The following SEPTIN14 variants were observed in gnomAD, a reference collection of about 807,000 sequenced individuals.
SEPTIN14 encodes the protein septin-14.
In SEPTIN14, 40 loss-of-function variants were observed where a neutral mutation model predicts 53.6. The ratio of observed to expected loss-of-function variants is 0.75; its 90% CI spans 0.58 to 0.97. The LOEUF is 0.97. SEPTIN14 is among the 50% of genes least tolerant of loss of function. The pLI is 0.00. For synonymous variants in SEPTIN14, 138 were observed against 166.8 expected, an observed-to-expected ratio of 0.83 and a Z score of 1.33; for missense variants, 471 against 508.2, an observed-to-expected ratio of 0.93 and a Z score of 0.70.
At chr7:55,837,315 C>T (rs1305798746) in intron 5 of SEPTIN14, among the ~76,000 whole-genome samples, 1 of 152,008 alleles carries the variant, frequency 6.6e-6, no homozygotes, top group Non-Finnish European at 1.5e-5. Context: ...CAGGGTCTCA[C>T]TATGTTGTTC....
At chr7:55,808,506 G>A (rs1431828590) in intron 7 of SEPTIN14, among the ~76,000 whole-genome samples, 1 of 152,120 alleles carries the variant, frequency 6.6e-6, no homozygotes, top group East Asian at 1.9e-4. Flanking sequence ...CACTGCTGGT[G>A]GGAATATAAA....
chr7:55,799,893 T>C (rs975407388), intron 9 of SEPTIN14, among the ~76,000 whole-genome samples: 1 of 151,490 alleles, frequency 6.6e-6, no homozygotes, highest in Admixed American at 6.6e-5. Flanking sequence ...ATAGACCAAA[T>C]AGGCATAGAT....
Position 55,834,434 on chromosome 7 carries a change from G to A in SEPTIN14, c.711C>T (p.Ser237=). The A allele has an allele frequency of 6.2e-7, 1 of 1,608,922 alleles. No individual in the cohort carries two copies. ...TDEETAAQAN[S]SVSGLLPFAV... The stretch of plus-strand genomic sequence containing the variant: ...TGTTACTGAAACTTACACTAACTGA[G>A]GAGTTCGCTTGAGCAGCAGTTTCTT... Residue 237 remains serine, a synonymous_variant, in exon 6 of 10, where the codon TCC becomes TCT. Transcript: ENST00000388975.
At chr7:55,818,491 A>T (rs1312571303) in intron 7 of SEPTIN14, among the ~76,000 whole-genome samples, 1 of 151,726 alleles carries the variant, frequency 6.6e-6, no homozygotes, top group African/African-American at 2.4e-5. Context: ...AAAAAAAAAA[A>T]AAATCATTTG....
rs1253866134 is a variant in SEPTIN14, at chr7:55,843,138, A to C, written c.372-10T>G. 6 of 1,535,286 alleles carry C rather than the reference A, an allele frequency of 3.9e-6. No homozygotes were observed. The highest frequency in any genetic ancestry group is 1.3e-5 in the South Asian group (1 of 79,506). ...AACTATTGGTTGGTAGCTAAAAAAA[A>C]ATTTATACATTTAGCATAACAGACT... On this transcript the variant is annotated splice_polypyrimidine_tract_variant and intron_variant, in intron 4 of 9. Transcript: ENST00000388975.
At chr7:55,817,460 T>TTATA (rs1331094709) in intron 7 of SEPTIN14, among the ~76,000 whole-genome samples, 20 of 146,584 alleles carry the variant, frequency 1.4e-4, no homozygotes, top group African/African-American at 4.8e-4. Flanking sequence ...TAACAATATT[T>TTATA]TATATATATA....
intron 9 of SEPTIN14, chr7:55,798,055 C>A: frequency 5.7e-6 from 1 of 175,410 alleles, no homozygotes; most frequent in South Asian, 1.2e-4. Flanking sequence ...CCACAGGCCC[C>A]TGATGCTTGC....
intron 5 of SEPTIN14, among the ~76,000 whole-genome samples, chr7:55,840,121 G>A (rs1310715322): frequency 1.3e-5 from 2 of 149,594 alleles, no homozygotes; most frequent in Non-Finnish European, 3.0e-5. Flanking sequence ...CTCCAGCCTG[G>A]GCATTAAAAA....
chr7:55,814,167 C>T (rs1173340081), intron 7 of SEPTIN14, among the ~76,000 whole-genome samples: 1 of 152,186 alleles, frequency 6.6e-6, no homozygotes, highest in African/African-American at 2.4e-5. Context: ...CACAGTGTTA[C>T]TGGGCTTGGG....
At position 55,843,572 on chromosome 7, in the gene SEPTIN14, G is replaced by A. The variant is rs189949853; in HGVS notation, c.372-444C>T. 9.3e-3 allele frequency among the ~76,000 whole-genome samples: 1,409 copies of A among 152,260 alleles called. 12 individuals are homozygous for A. Among genetic ancestry groups the A allele is most frequent in the Middle Eastern group, 0.014 (4 of 294 alleles). ...AAAATGGCCGGGCGCGGTGGCTCAC[G>A]CCTGTAATCACAGCACTTTGGGAGG... On this transcript the variant is annotated intron_variant, in intron 4 of 9. Transcript: ENST00000388975.
At chr7:55,809,414 G>T (rs1299376773) in intron 7 of SEPTIN14, among the ~76,000 whole-genome samples, 2 of 146,422 alleles carry the variant, frequency 1.4e-5, no homozygotes, top group African/African-American at 2.5e-5. Flanking sequence ...GGAGTGCAAT[G>T]GCACGATCTC....
intron 7 of SEPTIN14, among the ~76,000 whole-genome samples, chr7:55,818,200 G>A (rs1251781211): frequency 2.0e-5 from 3 of 151,882 alleles, no homozygotes; most frequent in East Asian, 1.9e-4. Context: ...GGCTGGACAC[G>A]GTGGCTCATG....
At chr7:55,846,748 A>G in intron 2 of SEPTIN14, 111 bp from the exon 3 acceptor site, 1 of 592,840 alleles carries the variant, frequency 1.7e-6, no homozygotes, top group Admixed American at 3.5e-5. Context: ...TCATTTGCTT[A>G]TCATACCTCA....
Position 55,805,254 on chromosome 7 carries a change from T to C in SEPTIN14, c.1119+4A>G. Reference sequence around the variant, plus strand: ...ACAAATTATATCAAACTGTCAGTACTAACCTCTTTTTCAGCTTCTTTAAAT... The same window carrying C: ...ACAAATTATATCAAACTGTCAGTACCAACCTCTTTTTCAGCTTCTTTAAAT... On this transcript the variant is annotated splice_donor_region_variant and intron_variant, in intron 9 of 9. Transcript: ENST00000388975. 1 of 1,611,058 alleles carries C rather than the reference T, an allele frequency of 6.2e-7. No homozygotes were observed. Among genetic ancestry groups the C allele is most frequent in the Non-Finnish European group, 8.5e-7 (1 of 1,178,180 alleles).
intron 6 of SEPTIN14, among the ~76,000 whole-genome samples, chr7:55,822,539 C>A (rs1261845394): frequency 6.6e-6 from 1 of 151,228 alleles, no homozygotes; most frequent in Non-Finnish European, 1.5e-5. Flanking sequence ...GTGGCATGGG[C>A]AAAATAATAG....
chr7:55,848,559 G>A (rs1789462949), intron 2 of SEPTIN14, among the ~76,000 whole-genome samples: 1 of 151,628 alleles, frequency 6.6e-6, no homozygotes, highest in Non-Finnish European at 1.5e-5. Flanking sequence ...AGCCTCCAAA[G>A]GGCTGGGATT....
At chr7:55,858,167 A>C (rs1789678336) in intron 2 of SEPTIN14, among the ~76,000 whole-genome samples, 1 of 152,152 alleles carries the variant, frequency 6.6e-6, no homozygotes, top group African/African-American at 2.4e-5. Context: ...GAAAGTAGGG[A>C]ACACAAAGAA....
chr7:55,857,016 G>A (rs1789640942), intron 2 of SEPTIN14, among the ~76,000 whole-genome samples: 1 of 151,772 alleles, frequency 6.6e-6, no homozygotes, highest in Admixed American at 6.6e-5. Context: ...GTTCCAGTAA[G>A]CCAAGATTGT....
intron 6 of SEPTIN14, among the ~76,000 whole-genome samples, chr7:55,830,347 A>ATTTTT (rs1283196897): frequency 0.012 from 608 of 50,288 alleles, 4 homozygotes; most frequent in East Asian, 0.029. Context: ...ATATATATAT[A>ATTTTT]TATTTTTTTT....
Sources: gnomAD v4.1 joint callset for allele counts (sites outside exome capture counted in the v4.1 genomes callset) on GRCh38, gnomAD v4.1.1 for gene constraint, MANE v1.5 for transcripts, NCBI Gene and HGNC (gene_info 2026-07-23, HGNC 2026-07-21) for gene names.